ZNF442: variants seen among roughly 807,000 people sequenced by gnomAD.
ZNF442 encodes zinc finger protein 442.
In ZNF442, 45 loss-of-function variants were observed where a neutral mutation model predicts 57.0. The observed-to-expected ratio is 0.79, with a 90% CI of 0.62 to 1.01. ZNF442 has a LOEUF of 1.01. Among genes scored for constraint, ZNF442 ranks in the 50% least tolerant of loss-of-function variants. The probability of loss-of-function intolerance (pLI) is 0.00; values close to 1 mark genes in which losing one functional copy is unlikely to be tolerated. For missense variants in ZNF442, 690 were observed against 756.5 expected (o/e 0.91, Z 1.03); for synonymous variants, 213 against 241.8 (o/e 0.88, Z 1.10).
intron 3 of ZNF442, among the ~76,000 whole-genome samples, chr19:12,358,184 T>G (rs1468096612): frequency 6.6e-6 from 1 of 151,994 alleles, no homozygotes; most frequent in Non-Finnish European, 1.5e-5. Flanking sequence ...AGGCTGGTCT[T>G]GAACTCCTGA....
chr19:12,350,856 AC>A lies in ZNF442; in HGVS notation c.728del (p.Cys243LeufsTer11). ...GEKPYECKQC[C>X]KAFPIYSSYL... Reference sequence around the variant, plus strand: ...AGGAACTGTAAATAGGGAAGGCTTTACAACACTGCTTACATTCATACGGTTT... The same window carrying A: ...AGGAACTGTAAATAGGGAAGGCTTTAAACACTGCTTACATTCATACGGTTT... On this transcript the variant is annotated frameshift_variant, in exon 6 of 6. Transcript: ENST00000242804. LOFTEE classifies it high-confidence loss of function. 2 of 1,612,722 alleles carry A rather than the reference AC, an allele frequency of 1.2e-6. No homozygotes were observed. Among genetic ancestry groups the A allele is most frequent in the Non-Finnish European group, 1.7e-6 (2 of 1,179,576 alleles).
Position 12,352,522 on chromosome 19 carries a change from T to C in ZNF442, c.206-452A>G, listed in dbSNP as rs748214768. 3.9e-5 allele frequency among the ~76,000 whole-genome samples: 6 copies of C among 152,278 alleles called. No homozygotes were observed. The South Asian group carries it at 8.3e-4, about 21-fold the overall frequency. On this transcript the variant is annotated intron_variant, in intron 4 of 5. Transcript: ENST00000242804. Reference sequence around the variant, plus strand: ...CACCTGGCTCACAAGTCCACTTATATATGAATTTTCTTCAGTCTCTGCTAC... The same window carrying C: ...CACCTGGCTCACAAGTCCACTTATACATGAATTTTCTTCAGTCTCTGCTAC...
intron 3 of ZNF442, among the ~76,000 whole-genome samples, chr19:12,358,207 C>G (rs1969367163): frequency 1.3e-5 from 2 of 152,232 alleles, no homozygotes; most frequent in Non-Finnish European, 2.9e-5. Flanking sequence ...TCATGATCCA[C>G]CTGCCTTGGC....
rs1254764047 is a variant in ZNF442, at chr19:12,362,987, C to CA, written c.78+566dup. On this transcript the variant is annotated intron_variant, in intron 3 of 5. Transcript: ENST00000242804. ...TGAAACCCCGTCTCTACTAAAAATA[C>CA]AAAAAACAAAACAAAAAAAAAATTA... Among the ~76,000 whole-genome samples, 9 of 144,228 alleles carry CA rather than the reference C, an allele frequency of 6.2e-5. 1 individual carries two copies. Among genetic ancestry groups the CA allele is most frequent in the African/African-American group, 2.6e-4 (9 of 35,246 alleles). The allele number at this position is 144,228 out of a possible 152,430, so 94.6% of individuals were successfully genotyped here.
At position 12,347,271 on chromosome 19, in the gene ZNF442, G is replaced by A. The variant is rs905835421; in HGVS notation, c.*2430C>T. The A allele has an allele frequency of 6.6e-6, 1 of 152,116 alleles. No individual in the cohort carries two copies. The highest frequency in any genetic ancestry group is 1.5e-5 in the Non-Finnish European group (1 of 68,026). The allele number at this position is 152,116 out of a possible 1,614,324, so 9.4% of individuals were successfully genotyped here. A position where few individuals can be genotyped will look rare whatever the true frequency, so the allele number is the denominator to read the frequency against. ...TTTCCTTGTCTTATTCAAATTCTCA[G>A]TGACCTGTGACACAGCTGACCACTC... On this transcript the variant is annotated 3_prime_UTR_variant, in exon 6 of 6. Coordinates refer to ENST00000242804, the MANE Select transcript of ZNF442 (RefSeq NM_030824.3).
At chr19:12,357,762 T>C (rs1400434382) in intron 3 of ZNF442, among the ~76,000 whole-genome samples, 1 of 152,116 alleles carries the variant, frequency 6.6e-6, no homozygotes, top group Non-Finnish European at 1.5e-5. Flanking sequence ...AGGTCTAATG[T>C]TGCCACAATG....
Position 12,347,592 on chromosome 19 carries a change from C to G in ZNF442, c.*2109G>C, listed in dbSNP as rs193238838. The G allele has an allele frequency of 6.6e-6, 1 of 152,246 alleles. No individual in the cohort carries two copies. The highest frequency in any genetic ancestry group is 1.5e-5 in the Non-Finnish European group (1 of 68,068). 9.4% of individuals were successfully genotyped at this position (152,246 alleles called of 1,614,324 possible). On this transcript the variant is annotated 3_prime_UTR_variant, in exon 6 of 6. Coordinates refer to ENST00000242804, the MANE Select transcript of ZNF442 (RefSeq NM_030824.3). ...AAGCTTTAAGTTTCTATTTGGCCACCTGGCCAAAACTGAAAATGTCAGCCC... is the reference window on the plus strand; with the variant it reads ...AAGCTTTAAGTTTCTATTTGGCCACGTGGCCAAAACTGAAAATGTCAGCCC...
chr19:12,357,576 C>T (rs1487091371), intron 3 of ZNF442, among the ~76,000 whole-genome samples: 1 of 151,622 alleles, frequency 6.6e-6, no homozygotes, highest in Non-Finnish European at 1.5e-5. Flanking sequence ...TGGTCTCGAA[C>T]TCCTGACTTC....
At chr19:12,359,089 A>G (rs1362012421) in intron 3 of ZNF442, among the ~76,000 whole-genome samples, 3 of 152,324 alleles carry the variant, frequency 2.0e-5, no homozygotes, top group South Asian at 4.1e-4. Context: ...GGCTGACATT[A>G]CCCACCCAGC....
At chr19:12,369,693 C>A (rs374486280), upstream of ZNF442, among the ~76,000 whole-genome samples, 41 of 151,966 alleles carry the variant, frequency 2.7e-4, 1 homozygote, top group East Asian at 1.4e-3. Flanking sequence ...GTCAGGAGAT[C>A]GAGACCATCC....
chr19:12,365,153 T>C lies in ZNF442; in HGVS notation c.-392A>G. 1 of 152,778 alleles carries C rather than the reference T, an allele frequency of 6.5e-6. No homozygotes were observed. Among genetic ancestry groups the C allele is most frequent in the South Asian group, 2.1e-4 (1 of 4,872 alleles). The allele number at this position is 152,778 out of a possible 1,614,324, so 9.5% of individuals were successfully genotyped here. On this transcript the variant is annotated 5_prime_UTR_variant, in exon 2 of 6. Coordinates refer to ENST00000242804, the MANE Select transcript of ZNF442 (RefSeq NM_030824.3). ...GAGGCGGAACTGGGGTCTTCTCTCC[T>C]CTCCCCCTATTAAACTGTTTCTGCT...
rs186018237 is a variant in ZNF442 at position 12,354,525 on chromosome 19, T to A, written c.79-1411A>T. On this transcript the variant is annotated intron_variant, in intron 3 of 5. Transcript: ENST00000242804. ...AAATGTATAAAAATGCTAAAAACTT[T>A]CTCACCAACAAAGTTACGGCTTTAC... is the stretch of plus-strand genomic sequence containing the variant. Among the ~76,000 whole-genome samples the A allele has an allele frequency of 2.0e-5, 3 of 152,220 alleles. No homozygotes were observed. In the East Asian group the frequency reaches 5.8e-4, roughly 29 times the overall value.
rs148831354 is a variant in ZNF442 at position 12,346,980 on chromosome 19, T to C, written c.*2721A>G. 2.4e-3 allele frequency: 365 copies of C among 152,292 alleles called. 1 individual carries two copies. Among genetic ancestry groups the C allele is most frequent in the African/African-American group, 8.4e-3 (349 of 41,570 alleles). 9.4% of individuals were successfully genotyped at this position (152,292 alleles called of 1,614,324 possible). ...TTACATGTATGGAACACTAAGTAGA[T>C]AGAGCAAGTAGCACAGTAACACGTA... is the stretch of plus-strand genomic sequence containing the variant. On this transcript the variant is annotated 3_prime_UTR_variant, in exon 6 of 6. Transcript: ENST00000242804.
In ZNF442 at chr19:12,347,917, G is replaced by C. The variant is rs1297197395; in HGVS notation, c.*1784C>G. ...CTAACAAGGAACTCGAAGATATACT[G>C]AAATTCTCTGCAGATAATGATGATA... On this transcript the variant is annotated 3_prime_UTR_variant, in exon 6 of 6. Transcript: ENST00000242804. 6.6e-6 allele frequency: 1 copy of C among 152,152 alleles called. No individual in the cohort carries two copies. Among genetic ancestry groups the C allele is most frequent in the African/African-American group, 2.4e-5 (1 of 41,442 alleles). The allele number at this position is 152,152 out of a possible 1,614,324, so 9.4% of individuals were successfully genotyped here. A position where few individuals can be genotyped will look rare whatever the true frequency, so the allele number is the denominator to read the frequency against.
intron 3 of ZNF442, among the ~76,000 whole-genome samples, chr19:12,357,123 C>T (rs893211561): frequency 7.2e-5 from 11 of 152,154 alleles, no homozygotes; most frequent in African/African-American, 2.2e-4. Context: ...ACCTTTTCAT[C>T]GTATTTTCTC....
rs564599849 is a variant in ZNF442 at position 12,362,580 on chromosome 19, G to A, written c.78+974C>T. Among the ~76,000 whole-genome samples, 1,358 of 148,074 alleles carry A rather than the reference G, an allele frequency of 9.2e-3. 23 individuals carry two copies. Among genetic ancestry groups the A allele is most frequent in the African/African-American group, 0.032 (1,300 of 40,316 alleles). The stretch of plus-strand genomic sequence containing the variant: ...TCCCGCCCGGCCAGCCACCCCGTCC[G>A]GGAGGGAGGTGGGGGGCAGCCCCCG... On this transcript the variant is annotated intron_variant, in intron 3 of 5. Transcript: ENST00000242804.
At chr19:12,362,487 C>T (rs2144841694) in intron 3 of ZNF442, among the ~76,000 whole-genome samples, 1 of 151,506 alleles carries the variant, frequency 6.6e-6, no homozygotes, top group South Asian at 2.1e-4. Context: ...CGCCCAGCAG[C>T]CGCCCCGTCT....
In ZNF442 at chr19:12,362,873, C is replaced by T. The variant is rs556953251; in HGVS notation, c.78+681G>A. The stretch of plus-strand genomic sequence containing the variant: ...ATTTTGTTCTGTACTAAGAAAAATT[C>T]TTCTGCCTTGGGAAAAAAAAAAAAA... On this transcript the variant is annotated intron_variant, in intron 3 of 5. Coordinates refer to ENST00000242804, the MANE Select transcript of ZNF442 (RefSeq NM_030824.3). 9.7e-4 allele frequency among the ~76,000 whole-genome samples: 144 copies of T among 147,832 alleles called. 2 individuals are homozygous for T. Among genetic ancestry groups the T allele is most frequent in the African/African-American group, 3.4e-3 (133 of 39,042 alleles).
intron 3 of ZNF442, among the ~76,000 whole-genome samples, 173 bp from the exon 4 acceptor site, chr19:12,353,287 C>G (rs1437196279): frequency 6.6e-6 from 1 of 152,206 alleles, no homozygotes; most frequent in South Asian, 2.1e-4. Context: ...AATTCTGATG[C>G]TAGAATTGAA....
Sources: allele counts gnomAD v4.1 joint callset (sites outside exome capture counted in the v4.1 genomes callset), GRCh38; gene constraint gnomAD v4.1.1; transcripts MANE v1.5; gene names NCBI Gene and HGNC (gene_info 2026-07-23, HGNC 2026-07-21).